SAMD5: variants seen among roughly 807,000 people sequenced by gnomAD.
SAMD5 encodes the protein sterile alpha motif domain-containing protein 5.
In SAMD5, 13 loss-of-function variants were observed where a neutral mutation model predicts 11.3. The ratio of observed to expected loss-of-function variants is 1.15; its 90% CI spans 0.75 to 1.83. The LOEUF is 1.83. Among genes scored for constraint, SAMD5 ranks in the 40% most tolerant of loss-of-function variants. SAMD5 has a pLI of 0.00. For synonymous variants in SAMD5, 129 were observed against 111.3 expected (o/e 1.16, Z -1.00); for missense variants, 255 against 239.1 (o/e 1.07, Z -0.44).
At chr6:147,797,152 C>T in the SAMD5 span, among the ~76,000 whole-genome samples, 2 of 119,692 alleles carry the variant, frequency 1.7e-5, no homozygotes, top group Non-Finnish European at 3.3e-5. Context: ...TGCCAGTTTT[C>T]AAAGGGAATG....
chr6:147,665,412 T>C (rs1790703874), intron 1 of SAMD5, among the ~76,000 whole-genome samples: 1 of 152,240 alleles, frequency 6.6e-6, no homozygotes, highest in Admixed American at 6.5e-5. Flanking sequence ...TTGAATATTT[T>C]CTGTACCTTA....
At chr6:147,583,029 A>G (rs1297529212) in intron 1 of SAMD5, among the ~76,000 whole-genome samples, 3 of 152,250 alleles carry the variant, frequency 2.0e-5, no homozygotes, top group African/African-American at 7.2e-5. Context: ...ATGCAAAATG[A>G]AAATATAAAT....
At chr6:147,833,976 T>C in the SAMD5 span, among the ~76,000 whole-genome samples, 2 of 152,204 alleles carry the variant, frequency 1.3e-5, no homozygotes, top group East Asian at 3.9e-4. Flanking sequence ...TAACTTTCAA[T>C]TTCATGAATG....
At chr6:147,796,678 A>C in the SAMD5 span, among the ~76,000 whole-genome samples, 1 of 152,158 alleles carries the variant, frequency 6.6e-6, no homozygotes, top group Non-Finnish European at 1.5e-5. Flanking sequence ...TTTTCACGAT[A>C]TTGATTCTTC....
the SAMD5 span, among the ~76,000 whole-genome samples, chr6:147,763,820 GGTC>G: frequency 6.6e-6 from 1 of 152,014 alleles, no homozygotes; most frequent in East Asian, 1.9e-4. Flanking sequence ...CTGACCTCGT[GGTC>G]CGCCTGCCTC....
At chr6:147,906,898 G>C in the SAMD5 span, among the ~76,000 whole-genome samples, 1 of 152,168 alleles carries the variant, frequency 6.6e-6, no homozygotes, top group Non-Finnish European at 1.5e-5. Context: ...GAGAGCTGTA[G>C]CTTGAGGATT....
the SAMD5 span, among the ~76,000 whole-genome samples, chr6:147,933,721 A>G: frequency 6.6e-6 from 1 of 150,534 alleles, no homozygotes; most frequent in African/African-American, 2.5e-5. Flanking sequence ...AAAAACAACA[A>G]AAATAGCAAG....
intron 1 of SAMD5, among the ~76,000 whole-genome samples, chr6:147,613,953 T>C (rs1299675539): frequency 6.6e-6 from 1 of 151,822 alleles, no homozygotes; most frequent in Non-Finnish European, 1.5e-5. Context: ...AATGAGGGAA[T>C]CAGCACTTCC....
chr6:147,880,763 A>G, the SAMD5 span, among the ~76,000 whole-genome samples: 1 of 152,144 alleles, frequency 6.6e-6, no homozygotes, highest in African/African-American at 2.4e-5. Flanking sequence ...TACATCATAC[A>G]GACTGTCCGT....
the SAMD5 span, among the ~76,000 whole-genome samples, chr6:147,941,992 G>T: frequency 2.6e-5 from 4 of 152,128 alleles, no homozygotes; most frequent in Admixed American, 1.3e-4. Context: ...TCCTGCCTCA[G>T]CCTCCTGAAT....
chr6:147,882,316 G>A, the SAMD5 span, among the ~76,000 whole-genome samples: 1 of 152,062 alleles, frequency 6.6e-6, no homozygotes, highest in South Asian at 2.1e-4. Context: ...GAAGTGATTT[G>A]CCCCAGTTGA....
the SAMD5 span, among the ~76,000 whole-genome samples, chr6:147,830,555 C>G: frequency 6.6e-6 from 1 of 151,990 alleles, no homozygotes; most frequent in Non-Finnish European, 1.5e-5. Context: ...CGCGCCCGGC[C>G]CCAGTAAGCT....
chr6:147,648,391 A>G (rs1347628154), intron 1 of SAMD5, among the ~76,000 whole-genome samples: 5 of 152,188 alleles, frequency 3.3e-5, no homozygotes, highest in African/African-American at 4.8e-5. Flanking sequence ...TCATGATTCA[A>G]TTACCTCCAC....
chr6:147,616,745 A>G (rs562415298), intron 1 of SAMD5, among the ~76,000 whole-genome samples: 5 of 152,196 alleles, frequency 3.3e-5, no homozygotes, highest in Non-Finnish European at 5.9e-5. Flanking sequence ...ACTTACAATC[A>G]TGGCAGAAGG....
chr6:147,856,894 A>G, the SAMD5 span, among the ~76,000 whole-genome samples: 1 of 149,460 alleles, frequency 6.7e-6, no homozygotes, highest in Non-Finnish European at 1.5e-5. Context: ...GTAGCAAAAA[A>G]TGTCGGCAAC....
intron 1 of SAMD5, among the ~76,000 whole-genome samples, chr6:147,697,471 C>G (rs535663659): frequency 1.3e-5 from 2 of 152,240 alleles, no homozygotes; most frequent in African/African-American, 4.8e-5. Context: ...AAAATTACAG[C>G]AAGATGGTAA....
chr6:147,891,652 C>T, the SAMD5 span, among the ~76,000 whole-genome samples: 4 of 151,996 alleles, frequency 2.6e-5, no homozygotes, highest in South Asian at 2.1e-4. Context: ...TATAAAAAAT[C>T]GAATGTAAGA....
chr6:147,835,479 G>A, the SAMD5 span, among the ~76,000 whole-genome samples: 1 of 152,110 alleles, frequency 6.6e-6, no homozygotes, highest in Non-Finnish European at 1.5e-5. Context: ...GCAGCCTCCA[G>A]TCATGATGGT....
At chr6:147,577,366 A>G (rs2128445907) in intron 1 of SAMD5, among the ~76,000 whole-genome samples, 1 of 152,342 alleles carries the variant, frequency 6.6e-6, no homozygotes, top group East Asian at 1.9e-4. Flanking sequence ...TTTAAAAGAG[A>G]AGTTAATTCA....
Sources: allele counts gnomAD v4.1 joint callset (sites outside exome capture counted in the v4.1 genomes callset), GRCh38; gene constraint gnomAD v4.1.1; transcripts MANE v1.5; gene names NCBI Gene and HGNC (gene_info 2026-07-23, HGNC 2026-07-21).